Variants in PEX14 observed in about 807,000 individuals in gnomAD.
PEX14 encodes the protein peroxisomal biogenesis factor 14.
Under a neutral mutation model 49.5 loss-of-function variants are expected in PEX14, and 15 were observed. That is an observed-to-expected ratio of 0.30 (90% CI 0.20 to 0.47). The LOEUF (loss-of-function observed/expected upper bound fraction) is 0.47. PEX14 is among the 20% of genes least tolerant of loss of function. PEX14 has a pLI of 1.00. For missense variants in PEX14, 398 were observed against 494.8 expected, an observed-to-expected ratio of 0.80 and a Z score of 1.86; for synonymous variants, 210 against 212.7, an observed-to-expected ratio of 0.99 and a Z score of 0.11.
At chr1:10,583,497 C>T (rs887105568) in intron 3 of PEX14, among the ~76,000 whole-genome samples, 1 of 150,858 alleles carries the variant, frequency 6.6e-6, no homozygotes, top group African/African-American at 2.4e-5. Flanking sequence ...GCTGAGATTA[C>T]AGGTATTAGC....
At chr1:10,615,911 A>C (rs1028132212) in intron 4 of PEX14, among the ~76,000 whole-genome samples, 8 of 152,238 alleles carry the variant, frequency 5.3e-5, no homozygotes, top group African/African-American at 1.9e-4. Context: ...GTGGTGGGGA[A>C]GCCTTTTTTC....
intron 2 of PEX14, among the ~76,000 whole-genome samples, chr1:10,534,456 C>T (rs1055359813): frequency 6.6e-6 from 1 of 152,092 alleles, no homozygotes; most frequent in African/African-American, 2.4e-5. Context: ...CCTACCTCTA[C>T]CCATCCCCTT....
chr1:10,482,861 A>C (rs943463585), intron 1 of PEX14, among the ~76,000 whole-genome samples: 1 of 152,130 alleles, frequency 6.6e-6, no homozygotes, highest in Non-Finnish European at 1.5e-5. Context: ...GAGTTCATCT[A>C]CGTTTTTTAT....
At chr1:10,565,513 A>G (rs935893453) in intron 3 of PEX14, among the ~76,000 whole-genome samples, 2 of 152,128 alleles carry the variant, frequency 1.3e-5, no homozygotes, top group African/African-American at 2.4e-5. Context: ...TTTACAAGCT[A>G]TTTCATCTCA....
At chr1:10,573,338 T>C (rs1054761587) in intron 3 of PEX14, among the ~76,000 whole-genome samples, 1 of 152,214 alleles carries the variant, frequency 6.6e-6, no homozygotes, top group Non-Finnish European at 1.5e-5. Flanking sequence ...AGCTCACACC[T>C]GTAATCTCAG....
intron 8 of PEX14, 68 bp downstream of exon 8, chr1:10,627,431 T>C: frequency 8.8e-7 from 1 of 1,142,038 alleles, no homozygotes; most frequent in Non-Finnish European, 1.3e-6. Flanking sequence ...CTCTGGGGCA[T>C]GGGAGGGGCA....
At chr1:10,554,438 C>CAG (rs1218376754) in intron 3 of PEX14, among the ~76,000 whole-genome samples, 2 of 152,210 alleles carry the variant, frequency 1.3e-5, no homozygotes, top group Non-Finnish European at 2.9e-5. Flanking sequence ...AGAGCACACG[C>CAG]AGAGTCATTG....
intron 7 of PEX14, among the ~76,000 whole-genome samples, 197 bp downstream of exon 7, chr1:10,624,634 C>T (rs536745609): frequency 9.2e-5 from 14 of 152,184 alleles, no homozygotes; most frequent in Non-Finnish European, 2.1e-4. Flanking sequence ...GTCAGTGTGA[C>T]GTTTAACTGT....
chr1:10,476,072 C>T (rs1384214843), intron 1 of PEX14, among the ~76,000 whole-genome samples: 1 of 152,206 alleles, frequency 6.6e-6, no homozygotes, highest in South Asian at 2.1e-4. Context: ...CTTGGGGCCT[C>T]ATTCCTCCTC....
Position 10,586,599 on chromosome 1 carries a change from CATA to C in PEX14, c.170-12636_170-12634del, listed in dbSNP as rs1195550064. On this transcript the variant is annotated intron_variant, in intron 3 of 8. Transcript: ENST00000356607. ...TGTAACAACAAGGATGACTCGCAAG[CATA>C]ATGTTGAACAAAAGGAGCCGTTTAC... 6.9e-5 allele frequency among the ~76,000 whole-genome samples: 10 copies of C among 144,968 alleles called. No individual in the cohort carries two copies. In the East Asian group the frequency reaches 2.0e-3, roughly 29 times the overall value.
chr1:10,611,804 C>T (rs1028871413), intron 4 of PEX14, among the ~76,000 whole-genome samples: 3 of 152,200 alleles, frequency 2.0e-5, no homozygotes, highest in African/African-American at 7.2e-5. Context: ...AGAGTCTCTT[C>T]CAATCTTATG....
intron 3 of PEX14, among the ~76,000 whole-genome samples, chr1:10,594,578 C>A (rs1006885179): frequency 6.6e-6 from 1 of 152,214 alleles, no homozygotes; most frequent in African/African-American, 2.4e-5. Context: ...CTCTTCCTAA[C>A]CCTTCTGTCC....
At chr1:10,556,024 C>T (rs1456142923) in intron 3 of PEX14, among the ~76,000 whole-genome samples, 1 of 147,730 alleles carries the variant, frequency 6.8e-6, no homozygotes, top group Non-Finnish European at 1.5e-5. Context: ...CACTGCGGAG[C>T]CAGCGTGGAC....
intron 1 of PEX14, among the ~76,000 whole-genome samples, chr1:10,484,574 G>A (rs1355985037): frequency 6.6e-6 from 1 of 151,732 alleles, no homozygotes; most frequent in Non-Finnish European, 1.5e-5. Flanking sequence ...AGTAGTTTTT[G>A]ATTCCTGCGT....
intron 4 of PEX14, among the ~76,000 whole-genome samples, chr1:10,610,705 G>C (rs1055009833): frequency 1.3e-5 from 2 of 151,956 alleles, no homozygotes; most frequent in Non-Finnish European, 2.9e-5. Context: ...GGCTGGTCTC[G>C]AACTCCTGAA....
At chr1:10,583,271 G>A (rs1640379571) in intron 3 of PEX14, among the ~76,000 whole-genome samples, 1 of 150,934 alleles carries the variant, frequency 6.6e-6, no homozygotes, top group African/African-American at 2.4e-5. Context: ...CCAGGCTGGA[G>A]TGCAGTGGTG....
chr1:10,611,523 C>A (rs999750967), intron 4 of PEX14, among the ~76,000 whole-genome samples: 1 of 152,154 alleles, frequency 6.6e-6, no homozygotes, highest in Non-Finnish European at 1.5e-5. Context: ...ATGGCTTAGT[C>A]ACATGTTAGG....
At chr1:10,581,308 T>TTC (rs1640309093) in intron 3 of PEX14, among the ~76,000 whole-genome samples, 1 of 147,568 alleles carries the variant, frequency 6.8e-6, no homozygotes, top group African/African-American at 2.5e-5. Context: ...TGTTATCCTT[T>TTC]TTTTTTTTTT....
At chr1:10,557,729 G>A (rs747262800) in intron 3 of PEX14, among the ~76,000 whole-genome samples, 2 of 152,224 alleles carry the variant, frequency 1.3e-5, no homozygotes, top group East Asian at 3.9e-4. Context: ...CCAGTGCCCC[G>A]AGCACAAGTC....
Sources: gnomAD v4.1 joint callset for allele counts (sites outside exome capture counted in the v4.1 genomes callset) on GRCh38, gnomAD v4.1.1 for gene constraint, MANE v1.5 for transcripts, NCBI Gene and HGNC (gene_info 2026-07-23, HGNC 2026-07-21) for gene names.